GMDS: variants seen among roughly 807,000 people sequenced by gnomAD.
GMDS encodes GDP-mannose 4,6 dehydratase.
A neutral mutation model predicts 49.9 loss-of-function variants in GMDS; 20 were observed. The ratio of observed to expected loss-of-function variants is 0.40; its 90% CI spans 0.28 to 0.58. The LOEUF (loss-of-function observed/expected upper bound fraction) is 0.58. Ranked by LOEUF, GMDS falls within the 20% of genes least tolerant of loss-of-function variation. The pLI is 0.42. For missense variants in GMDS, 362 were observed against 481.4 expected (o/e 0.75, Z 2.32); for synonymous variants, 177 against 178.6 (o/e 0.99, Z 0.07).
intron 1 of GMDS, among the ~76,000 whole-genome samples, chr6:2,166,062 G>A (rs776540103): frequency 1.2e-3 from 180 of 152,234 alleles, no homozygotes; most frequent in Middle Eastern, 3.4e-3. Context: ...GACAGACTGG[G>A]CGACCCAACA....
intron 7 of GMDS, among the ~76,000 whole-genome samples, chr6:1,793,971 C>T: frequency 6.6e-6 from 1 of 152,188 alleles, no homozygotes; most frequent in Admixed American, 6.5e-5. Flanking sequence ...AAGGGCTTTA[C>T]ACACTTACGT....
chr6:1,815,685 C>T (rs1770632262), intron 7 of GMDS, among the ~76,000 whole-genome samples: 1 of 152,184 alleles, frequency 6.6e-6, no homozygotes, highest in Non-Finnish European at 1.5e-5. Flanking sequence ...TAAACCCACT[C>T]CCACTCACAA....
chr6:2,029,672 A>G lies in GMDS; in HGVS notation c.346-68706T>C, dbSNP rs141130746. On this transcript the variant is annotated intron_variant, in intron 4 of 10. Transcript: ENST00000380815. ...CACTTCTATTATGAAATAATCTTGA[A>G]TTGTGTTCTGGAGGGATCTGGGGCC... is the stretch of plus-strand genomic sequence containing the variant. 5.1e-3 allele frequency among the ~76,000 whole-genome samples: 779 copies of G among 152,232 alleles called. 19 individuals are homozygous for G. In the East Asian group the frequency reaches 0.068, roughly 13 times the overall value.
intron 7 of GMDS, among the ~76,000 whole-genome samples, chr6:1,824,858 T>A (rs1355817271): frequency 5.9e-5 from 9 of 152,242 alleles, no homozygotes; most frequent in African/African-American, 2.2e-4. Flanking sequence ...CTGTATCCTC[T>A]GCTTTGGACT....
At chr6:2,004,833 G>A (rs993801614) in intron 4 of GMDS, among the ~76,000 whole-genome samples, 4 of 152,156 alleles carry the variant, frequency 2.6e-5, no homozygotes, top group Non-Finnish European at 4.4e-5. Context: ...CTTTCAGTGG[G>A]TTTCTGATGT....
chr6:1,694,618 T>A (rs62388307), intron 9 of GMDS, among the ~76,000 whole-genome samples: 8 of 152,152 alleles, frequency 5.3e-5, no homozygotes, highest in Admixed American at 3.3e-4. Flanking sequence ...TCTGCACACA[T>A]GTATATGCCT....
intron 7 of GMDS, among the ~76,000 whole-genome samples, chr6:1,914,054 C>T (rs1030970578): frequency 1.3e-5 from 2 of 150,354 alleles, no homozygotes; most frequent in Non-Finnish European, 2.9e-5. Context: ...TGCTGCTAAA[C>T]TGTGGGAGCC....
chr6:1,694,928 C>T (rs578013708), intron 9 of GMDS, among the ~76,000 whole-genome samples: 3 of 152,298 alleles, frequency 2.0e-5, no homozygotes, highest in Non-Finnish European at 4.4e-5. Flanking sequence ...GTTTGTCTAA[C>T]GTTCTTTGAG....
At chr6:1,882,276 G>A (rs567517442) in intron 7 of GMDS, among the ~76,000 whole-genome samples, 3 of 152,262 alleles carry the variant, frequency 2.0e-5, no homozygotes, top group South Asian at 2.1e-4. Flanking sequence ...TCAGTGTACT[G>A]CACCAAAGAG....
intron 4 of GMDS, among the ~76,000 whole-genome samples, chr6:2,083,209 G>T (rs996036517): frequency 8.5e-5 from 13 of 152,136 alleles, no homozygotes; most frequent in Admixed American, 5.2e-4. Context: ...TAACACTTTA[G>T]CACGATGTCG....
chr6:1,760,695 T>G (rs1293006856), intron 7 of GMDS, among the ~76,000 whole-genome samples: 1 of 152,230 alleles, frequency 6.6e-6, no homozygotes, highest in Non-Finnish European at 1.5e-5. Flanking sequence ...TTCCCCAGTG[T>G]CTTCATTCAC....
chr6:2,053,477 G>C (rs1006516840), intron 4 of GMDS, among the ~76,000 whole-genome samples: 13 of 152,074 alleles, frequency 8.5e-5, no homozygotes, highest in African/African-American at 3.1e-4. Flanking sequence ...AGCTCTTATG[G>C]CTTTTCTGAG....
chr6:1,855,933 C>G (rs1341515949), intron 7 of GMDS, among the ~76,000 whole-genome samples: 1 of 152,170 alleles, frequency 6.6e-6, no homozygotes, highest in African/African-American at 2.4e-5. Flanking sequence ...CAGGGAGATT[C>G]TGACCGTGAC....
chr6:1,817,479 C>G (rs1770719240), intron 7 of GMDS, among the ~76,000 whole-genome samples: 2 of 152,026 alleles, frequency 1.3e-5, no homozygotes, highest in African/African-American at 4.8e-5. Flanking sequence ...AAGTTTTACT[C>G]CGAGGGTTTG....
At chr6:2,046,977 T>C (rs1178231923) in intron 4 of GMDS, among the ~76,000 whole-genome samples, 2 of 152,214 alleles carry the variant, frequency 1.3e-5, no homozygotes, top group African/African-American at 4.8e-5. Flanking sequence ...ATTAGTTTTC[T>C]TTTTCTACTC....
chr6:1,747,315 C>T (rs1056094834), intron 7 of GMDS, among the ~76,000 whole-genome samples: 1 of 152,104 alleles, frequency 6.6e-6, no homozygotes, highest in African/African-American at 2.4e-5. Context: ...GTATCCAAGC[C>T]ACAAACACTT....
chr6:1,872,473 C>T (rs866652992), intron 7 of GMDS, among the ~76,000 whole-genome samples: 6 of 152,194 alleles, frequency 3.9e-5, no homozygotes, highest in African/African-American at 1.4e-4. Context: ...TCCCCAATCG[C>T]TCTGTCAGAA....
chr6:2,000,374 T>C lies in GMDS; in HGVS notation c.346-39408A>G, dbSNP rs537132859. On this transcript the variant is annotated intron_variant, in intron 4 of 10. Transcript: ENST00000380815. ...TAACTGGTTTCTACAACTATCACCA[T>C]AGTCCATTTCAGAGCATTTTAATCA... 9.2e-5 allele frequency among the ~76,000 whole-genome samples: 14 copies of C among 151,866 alleles called. No homozygotes were observed. The East Asian group carries it at 2.7e-3, about 30-fold the overall frequency.
intron 9 of GMDS, among the ~76,000 whole-genome samples, chr6:1,698,116 C>T (rs913153346): frequency 3.9e-5 from 6 of 152,360 alleles, no homozygotes; most frequent in African/African-American, 1.4e-4. Context: ...CAGAGTCTCA[C>T]TTCCTCTCCT....
Sources: gnomAD v4.1 joint callset for allele counts (sites outside exome capture counted in the v4.1 genomes callset) on GRCh38, gnomAD v4.1.1 for gene constraint, MANE v1.5 for transcripts, NCBI Gene and HGNC (gene_info 2026-07-23, HGNC 2026-07-21) for gene names.